OR52I2: variants seen among roughly 807,000 people sequenced by gnomAD.
OR52I2 encodes the protein olfactory receptor 52I2.
For missense variants in OR52I2, 350 were observed against 402.4 expected (o/e 0.87, Z 1.11); for synonymous variants, 147 against 151.9 (o/e 0.97, Z 0.24).
exon 2 of OR52I2, chr11:4,587,192 G>C (rs1017678692): frequency 6.2e-7 from 1 of 1,614,164 alleles, no homozygotes; most frequent in Non-Finnish European, 8.5e-7. Context: ...TTTAGTGCTT[G>C]TTTCACTCAG....
intron 1 of OR52I2, among the ~76,000 whole-genome samples, chr11:4,583,704 C>A (rs1846277776): frequency 6.6e-6 from 1 of 152,196 alleles, no homozygotes; most frequent in African/African-American, 2.4e-5. Flanking sequence ...CAATCTGTTC[C>A]ATGATATAGC....
exon 2 of OR52I2, chr11:4,591,480 A>C (rs535778541): frequency 6.6e-6 from 1 of 152,294 alleles, no homozygotes; most frequent in South Asian, 2.1e-4. Context: ...CAAATCACAC[A>C]GTTGCTGTGG....
At chr11:4,592,497 C>T (rs1296196812) in exon 2 of OR52I2, 2 of 152,070 alleles carry the variant, frequency 1.3e-5, no homozygotes, top group Non-Finnish European at 2.9e-5. Flanking sequence ...CTAGGGGTTC[C>T]ATGAAGAAGA....
chr11:4,591,318 C>G (rs767698461), exon 2 of OR52I2: 2 of 152,092 alleles, frequency 1.3e-5, no homozygotes. Context: ...TAACTTCTCA[C>G]GATGAAAGTC....
At chr11:4,587,835 C>T in exon 2 of OR52I2, 1 of 1,613,990 alleles carries the variant, frequency 6.2e-7, no homozygotes, top group Non-Finnish European at 8.5e-7. Flanking sequence ...TGATGCATGT[C>T]CTCTTTGACC....
exon 2 of OR52I2, chr11:4,587,659 C>A: frequency 6.2e-6 from 10 of 1,614,152 alleles, no homozygotes; most frequent in Non-Finnish European, 7.6e-6. Flanking sequence ...TTTGTACTAT[C>A]TACCTGGGAT....
chr11:4,583,991 G>A (rs1846280414), intron 1 of OR52I2, among the ~76,000 whole-genome samples: 1 of 152,160 alleles, frequency 6.6e-6, no homozygotes, highest in African/African-American at 2.4e-5. Context: ...CAGTAGATGG[G>A]ATTCTGAGCA....
chr11:4,592,029 C>G (rs569228567), exon 2 of OR52I2: 98 of 152,308 alleles, frequency 6.4e-4, no homozygotes, highest in African/African-American at 1.9e-3. Context: ...TCAGGCAATG[C>G]AGGATGAGCT....
intron 1 of OR52I2, among the ~76,000 whole-genome samples, chr11:4,585,559 G>T (rs1589842990): frequency 6.6e-6 from 1 of 152,154 alleles, no homozygotes; most frequent in Non-Finnish European, 1.5e-5. Flanking sequence ...GGTAACACCT[G>T]AAAGAGGCAA....
At chr11:4,587,663 C>G in exon 2 of OR52I2, 1 of 1,614,186 alleles carries the variant, frequency 6.2e-7, no homozygotes, top group South Asian at 1.1e-5. Flanking sequence ...TACTATCTAC[C>G]TGGGATGGCA....
chr11:4,587,401 C>G lies in OR52I2; in HGVS notation c.511C>G (p.Pro171Ala), dbSNP rs185897225. ...ACTGAGTTGGATGGTGAGTCATCTA[C>G]CTTTCTGTGGCTCCAATGTGGTTGT... The change falls in exon 2 of 2, where the codon CCT becomes GCT. Residue 171 changes from proline to alanine, a missense_variant. By Grantham distance (27) the Pro-to-Ala change is conservative. Transcript: ENST00000641896. 5 of 1,613,968 alleles carry G rather than the reference C, an allele frequency of 3.1e-6. No individual in the cohort carries two copies. In the East Asian group the frequency reaches 8.9e-5, roughly 29 times the overall value.
chr11:4,593,034 G>A (rs867633044), exon 2 of OR52I2: 1 of 152,182 alleles, frequency 6.6e-6, no homozygotes, highest in Non-Finnish European at 1.5e-5. Flanking sequence ...AAACTGTGTT[G>A]TATGGAATGG....
chr11:4,587,114 T>C, exon 2 of OR52I2: 1 of 1,614,182 alleles, frequency 6.2e-7, no homozygotes, highest in Non-Finnish European at 8.5e-7. Context: ...GCTGTGGACA[T>C]TGTTATGGCC....
At chr11:4,582,433 C>CCTTTTTTTTTTTTTTTTTTTTTTTT (rs1564859030) in intron 1 of OR52I2, among the ~76,000 whole-genome samples, 1 of 74,662 alleles carries the variant, frequency 1.3e-5, no homozygotes, top group African/African-American at 4.5e-5. Context: ...ATTTATTTTT[C>CCTTTTTTTTTTTTTTTTTTTTTTTT]ATTTTTTTTT....
exon 2 of OR52I2, chr11:4,592,698 G>A (rs1589844962): frequency 6.6e-6 from 1 of 152,182 alleles, no homozygotes; most frequent in South Asian, 2.1e-4. Context: ...GGTAGTTAAT[G>A]CTGACTTCTT....
At chr11:4,584,695 G>C (rs139846886) in intron 1 of OR52I2, among the ~76,000 whole-genome samples, 2 of 152,140 alleles carry the variant, frequency 1.3e-5, no homozygotes, top group Non-Finnish European at 2.9e-5. Context: ...TTCTAAACTT[G>C]AGAACTGATC....
At chr11:4,584,049 G>A (rs1231438910) in intron 1 of OR52I2, among the ~76,000 whole-genome samples, 1 of 152,194 alleles carries the variant, frequency 6.6e-6, no homozygotes, top group Non-Finnish European at 1.5e-5. Flanking sequence ...TAGAAGTGAT[G>A]CCCCGATGAG....
exon 2 of OR52I2, chr11:4,587,684 C>T (rs200542123): frequency 7.0e-5 from 113 of 1,614,184 alleles, no homozygotes; most frequent in Non-Finnish European, 8.8e-5. Context: ...TCCATCTATG[C>T]GGCCTGGTTG....
rs1292521041 is a variant in OR52I2, at chr11:4,591,634, G to A, written c.*3769G>A. The A allele has an allele frequency of 3.9e-5, 6 of 152,208 alleles. No individual in the cohort carries two copies. In the East Asian group the frequency reaches 9.6e-4, roughly 24 times the overall value. The allele number at this position is 152,208 out of a possible 1,614,324, so 9.4% of individuals were successfully genotyped here. The stretch of plus-strand genomic sequence containing the variant: ...ACAAAGGCATATGCCCACGTCCTAA[G>A]GAAAGAAAATTATCTGAGAACAATA... On this transcript the variant is annotated 3_prime_UTR_variant, in exon 2 of 2. Transcript: ENST00000641896.
Sources: gnomAD v4.1 joint callset for allele counts (sites outside exome capture counted in the v4.1 genomes callset) on GRCh38, gnomAD v4.1.1 for gene constraint, MANE v1.5 for transcripts, NCBI Gene and HGNC (gene_info 2026-07-23, HGNC 2026-07-21) for gene names.